Variants in SORCS2 observed in about 807,000 individuals in gnomAD.
SORCS2 encodes VPS10 domain-containing receptor SorCS2.
A neutral mutation model predicts 141.6 loss-of-function variants in SORCS2; 100 were observed. The ratio of observed to expected loss-of-function variants is 0.71; its 90% CI spans 0.60 to 0.83. SORCS2 has a LOEUF of 0.83. Ranked by LOEUF, SORCS2 falls within the 40% of genes least tolerant of loss-of-function variation. SORCS2 has a pLI of 0.00. For missense variants in SORCS2, 1,646 were observed against 1,560.2 expected (o/e 1.05, Z -0.93); for synonymous variants, 789 against 676.9 (o/e 1.17, Z -2.57).
intron 3 of SORCS2, among the ~76,000 whole-genome samples, chr4:7,595,055 C>G (rs1358851319): frequency 2.6e-5 from 4 of 152,180 alleles, no homozygotes; most frequent in Non-Finnish European, 4.4e-5. Context: ...ATGACTGTTC[C>G]CGCTGCAGAT....
At chr4:7,284,790 G>A (rs946507797) in intron 1 of SORCS2, among the ~76,000 whole-genome samples, 2 of 152,112 alleles carry the variant, frequency 1.3e-5, no homozygotes, top group Non-Finnish European at 2.9e-5. Context: ...CACAGTCCAG[G>A]GGGCCAGAAG....
chr4:7,199,151 C>T (rs138406967), intron 1 of SORCS2, among the ~76,000 whole-genome samples: 3 of 152,254 alleles, frequency 2.0e-5, no homozygotes, highest in Admixed American at 1.3e-4. Flanking sequence ...GCCCTAGTTT[C>T]GTCATCGTGT....
At position 7,568,520 on chromosome 4, in the gene SORCS2, T is replaced by C. The variant is rs191114542; in HGVS notation, c.648+36891T>C. On this transcript the variant is annotated intron_variant, in intron 3 of 26. Transcript: ENST00000507866. ...ACTCAGTTAGATGCTTCCATCCTCA[T>C]TTCATGTTCCACATTGATTTTCCTT... Among the ~76,000 whole-genome samples the C allele has an allele frequency of 6.6e-5, 10 of 152,338 alleles. No individual in the cohort carries two copies. In the East Asian group the frequency reaches 1.9e-3, roughly 29 times the overall value.
chr4:7,366,112 G>C (rs1309825202), intron 1 of SORCS2, among the ~76,000 whole-genome samples: 1 of 152,120 alleles, frequency 6.6e-6, no homozygotes, highest in African/African-American at 2.4e-5. Flanking sequence ...GGTGGGGGGT[G>C]GTGGCACAGG....
At chr4:7,658,995 A>G (rs1390612048) in intron 5 of SORCS2, among the ~76,000 whole-genome samples, 1 of 152,248 alleles carries the variant, frequency 6.6e-6, no homozygotes, top group Non-Finnish European at 1.5e-5. Flanking sequence ...GCTCTTGGGC[A>G]GTGTCCATGA....
chr4:7,686,671 GGCC>G (rs1723898517), intron 10 of SORCS2, among the ~76,000 whole-genome samples: 1 of 152,216 alleles, frequency 6.6e-6, no homozygotes, highest in African/African-American at 2.4e-5. Flanking sequence ...GATGCGCACT[GGCC>G]TGCCACCTGT....
At chr4:7,561,646 ATCCG>A (rs1290741617) in intron 3 of SORCS2, among the ~76,000 whole-genome samples, 2 of 151,418 alleles carry the variant, frequency 1.3e-5, no homozygotes, top group African/African-American at 4.9e-5. Flanking sequence ...CTACCCATCC[ATCCG>A]TCTACCCATT....
chr4:7,558,628 A>G (rs1053236417), intron 3 of SORCS2, among the ~76,000 whole-genome samples: 38 of 152,134 alleles, frequency 2.5e-4, no homozygotes, highest in African/African-American at 9.2e-4. Context: ...AGCTGACGTG[A>G]GTGATGTGCC....
chr4:7,542,390 G>A (rs1712750364), intron 3 of SORCS2, among the ~76,000 whole-genome samples: 1 of 152,126 alleles, frequency 6.6e-6, no homozygotes, highest in Non-Finnish European at 1.5e-5. Context: ...AACATGACTG[G>A]TATTTTTATA....
intron 2 of SORCS2, among the ~76,000 whole-genome samples, chr4:7,486,780 T>C (rs1038036203): frequency 6.6e-6 from 1 of 152,198 alleles, no homozygotes; most frequent in African/African-American, 2.4e-5. Context: ...CCTCCCATGG[T>C]GTTTTCTTCC....
intron 3 of SORCS2, among the ~76,000 whole-genome samples, chr4:7,591,563 G>A (rs541542241): frequency 5.3e-5 from 8 of 152,328 alleles, no homozygotes; most frequent in African/African-American, 1.4e-4. Flanking sequence ...ATGCTCTCCC[G>A]GGTGGTCACG....
chr4:7,252,780 A>G (rs1197099800), intron 1 of SORCS2, among the ~76,000 whole-genome samples: 2 of 152,238 alleles, frequency 1.3e-5, no homozygotes, highest in Admixed American at 1.3e-4. Context: ...CCCCAAACAG[A>G]TGAGGCTTCT....
intron 24 of SORCS2, 117 bp from the exon 25 acceptor site, chr4:7,734,155 G>A: frequency 1.4e-6 from 1 of 695,288 alleles, no homozygotes; most frequent in South Asian, 1.8e-5. Context: ...CAGGGGACAA[G>A]CTGGGGATGG....
intron 2 of SORCS2, among the ~76,000 whole-genome samples, chr4:7,437,429 C>T (rs1727382539): frequency 6.6e-6 from 1 of 152,204 alleles, no homozygotes. Context: ...AGAAGCTCAT[C>T]AAACCTCATT....
At chr4:7,276,764 C>G (rs924353050) in intron 1 of SORCS2, among the ~76,000 whole-genome samples, 5 of 152,224 alleles carry the variant, frequency 3.3e-5, no homozygotes, top group Admixed American at 1.3e-4. Context: ...TCTCTGTCTA[C>G]TTCCCCTCCG....
At chr4:7,498,914 C>T (rs1057205556) in intron 2 of SORCS2, among the ~76,000 whole-genome samples, 2 of 152,120 alleles carry the variant, frequency 1.3e-5, no homozygotes, top group African/African-American at 4.8e-5. Context: ...TCAAGCTGAG[C>T]GTGGAGTGGC....
intron 2 of SORCS2, among the ~76,000 whole-genome samples, chr4:7,422,452 A>G (rs1474856565): frequency 3.3e-5 from 5 of 151,978 alleles, no homozygotes; most frequent in Admixed American, 1.3e-4. Context: ...CTGCCTAGGG[A>G]GAGAGGTGTG....
At chr4:7,283,414 C>T (rs1444372974) in intron 1 of SORCS2, among the ~76,000 whole-genome samples, 1 of 152,182 alleles carries the variant, frequency 6.6e-6, no homozygotes, top group East Asian at 1.9e-4. Context: ...GTGCCTGGCA[C>T]TCAGTAGGGC....
intron 1 of SORCS2, among the ~76,000 whole-genome samples, chr4:7,209,500 G>A (rs1175215662): frequency 2.0e-5 from 3 of 152,128 alleles, no homozygotes; most frequent in Non-Finnish European, 2.9e-5. Context: ...GTCCCTGCCG[G>A]GACCCCAGCG....
Sources: gnomAD v4.1 joint callset for allele counts (sites outside exome capture counted in the v4.1 genomes callset) on GRCh38, gnomAD v4.1.1 for gene constraint, MANE v1.5 for transcripts, NCBI Gene and HGNC (gene_info 2026-07-23, HGNC 2026-07-21) for gene names.